The following VTI1A variants were observed in gnomAD, a reference collection of about 807,000 sequenced individuals.
VTI1A encodes vesicle transport through interaction with t-SNAREs homolog 1A.
Under a neutral mutation model 34.9 loss-of-function variants are expected in VTI1A, and 22 were observed. The ratio of observed to expected loss-of-function variants is 0.63; its 90% CI spans 0.45 to 0.90. The LOEUF (loss-of-function observed/expected upper bound fraction) is 0.90, where lower values mean the gene tolerates loss of function less well. Ranked by LOEUF, VTI1A falls within the 40% of genes least tolerant of loss-of-function variation. The pLI is 0.00. For missense variants in VTI1A, 268 were observed against 275.6 expected (o/e 0.97, Z 0.20); for synonymous variants, 87 against 97.3 (o/e 0.89, Z 0.62).
intron 7 of VTI1A, among the ~76,000 whole-genome samples, chr10:112,745,889 G>C (rs1259167643): frequency 6.6e-6 from 1 of 152,200 alleles, no homozygotes; most frequent in Admixed American, 6.5e-5. Flanking sequence ...TTTGTGCAAG[G>C]TTACTCAGGT....
At chr10:112,848,397 C>A in the VTI1A span, among the ~76,000 whole-genome samples, 1 of 152,210 alleles carries the variant, frequency 6.6e-6, no homozygotes, top group Non-Finnish European at 1.5e-5. Flanking sequence ...ATTCCAGACA[C>A]AGAACCCCAC....
intron 7 of VTI1A, among the ~76,000 whole-genome samples, chr10:112,748,115 C>T (rs1850967694): frequency 6.6e-6 from 1 of 151,990 alleles, no homozygotes; most frequent in African/African-American, 2.4e-5. Context: ...CTTGGTGGAG[C>T]CAGCACTAGG....
chr10:112,642,623 G>GTGTGTA (rs1452530219), intron 5 of VTI1A, among the ~76,000 whole-genome samples: 1 of 152,080 alleles, frequency 6.6e-6, no homozygotes, highest in African/African-American at 2.4e-5. Context: ...GTGTGTGTGT[G>GTGTGTA]TGTGTATGTG....
chr10:112,555,875 A>G (rs1851525540), intron 5 of VTI1A, among the ~76,000 whole-genome samples: 1 of 152,006 alleles, frequency 6.6e-6, no homozygotes. Flanking sequence ...TCAGTGCTCC[A>G]TTTTAGTTTC....
intron 7 of VTI1A, among the ~76,000 whole-genome samples, chr10:112,683,547 A>G (rs978428533): frequency 6.6e-6 from 1 of 152,212 alleles, no homozygotes; most frequent in Non-Finnish European, 1.5e-5. Context: ...AAATAAAAAA[A>G]TTGTTTTTAA....
At chr10:112,662,425 C>T (rs1011632817) in intron 5 of VTI1A, among the ~76,000 whole-genome samples, 2 of 151,986 alleles carry the variant, frequency 1.3e-5, no homozygotes, top group Non-Finnish European at 2.9e-5. Flanking sequence ...TATTCTATAG[C>T]GAAGGATATT....
chr10:112,645,068 G>A (rs1846721569), intron 5 of VTI1A, among the ~76,000 whole-genome samples: 1 of 152,162 alleles, frequency 6.6e-6, no homozygotes, highest in African/African-American at 2.4e-5. Context: ...ATGTTAACTG[G>A]TTTTAACATT....
At chr10:112,853,166 CA>C in the VTI1A span, among the ~76,000 whole-genome samples, 1 of 152,176 alleles carries the variant, frequency 6.6e-6, no homozygotes, top group African/African-American at 2.4e-5. Context: ...CTCACTCTTC[CA>C]GGGGGGTAAA....
chr10:112,548,778 C>T lies in VTI1A; in HGVS notation c.427+10448C>T, dbSNP rs909597942. The T allele has an allele frequency of 8.1e-6, 12 of 1,486,084 alleles. No homozygotes were observed. In the African/African-American group the frequency reaches 1.5e-4, roughly 19 times the overall value. 92.1% of individuals were successfully genotyped at this position (1,486,084 alleles called of 1,614,324 possible). On this transcript the variant is annotated intron_variant, in intron 5 of 7. Coordinates refer to ENST00000393077, the MANE Select transcript of VTI1A (RefSeq NM_145206.4). ...GATAGTCTGAGAAGCTCTCGACACA[C>T]ATGGGCTTGCCAGGAACCATACCAA...
At position 112,572,654 on chromosome 10, in the gene VTI1A, C is replaced by A. The variant is rs984653394; in HGVS notation, c.427+34324C>A. On this transcript the variant is annotated intron_variant, in intron 5 of 7. Coordinates refer to ENST00000393077, the MANE Select transcript of VTI1A (RefSeq NM_145206.4). ...GAGATCGAGACCATCTTGGCTAACA[C>A]GGTGAAACCCCGTCTCTACTAAAAA... Among the ~76,000 whole-genome samples the A allele has an allele frequency of 2.4e-4, 36 of 151,262 alleles. 1 individual carries two copies. Among genetic ancestry groups the A allele is most frequent in the African/African-American group, 8.3e-4 (34 of 40,740 alleles).
At chr10:112,595,542 C>G (rs1844599856) in intron 5 of VTI1A, among the ~76,000 whole-genome samples, 1 of 152,144 alleles carries the variant, frequency 6.6e-6, no homozygotes, top group African/African-American at 2.4e-5. Flanking sequence ...ATTTATGCAG[C>G]CAAAAGACAC....
rs199652153 is a variant in VTI1A, at chr10:112,668,955, A to G, written c.517A>G (p.Asn173Asp). 2 of 1,612,362 alleles carry G rather than the reference A, an allele frequency of 1.2e-6. No individual in the cohort carries two copies. Among genetic ancestry groups the G allele is most frequent in the Non-Finnish European group, 1.7e-6 (2 of 1,178,770 alleles). ...ARERLRETDA[N>D]LGKSSRILTG... is the part of the protein sequence containing the mutation. The stretch of plus-strand genomic sequence containing the variant: ...CTTGTAGCTTCGGGAAACAGATGCT[A>G]ATTTGGGAAAAAGCTCCAGGATTCT... The change falls in exon 7 of 8, where the codon AAT (asparagine) becomes GAT (aspartate). Residue 173 changes from asparagine to aspartate, a missense_variant. Transcript: ENST00000393077.
At chr10:112,637,582 C>G (rs927935830) in intron 5 of VTI1A, among the ~76,000 whole-genome samples, 5 of 152,010 alleles carry the variant, frequency 3.3e-5, no homozygotes, top group African/African-American at 1.2e-4. Flanking sequence ...TCACTTGAAC[C>G]CAGGAGGTGG....
chr10:112,854,030 C>T, the VTI1A span, among the ~76,000 whole-genome samples: 2 of 152,100 alleles, frequency 1.3e-5, no homozygotes, highest in Non-Finnish European at 2.9e-5. Flanking sequence ...TCTTCTCCAC[C>T]CTGCTCAGCA....
chr10:112,594,496 C>T (rs990874318), intron 5 of VTI1A, among the ~76,000 whole-genome samples: 63 of 152,118 alleles, frequency 4.1e-4, no homozygotes, highest in Admixed American at 1.1e-3. Flanking sequence ...ACAAAAATCA[C>T]AAGCATTCTT....
chr10:112,751,565 A>G (rs7085872), intron 7 of VTI1A, among the ~76,000 whole-genome samples: 2,738 of 151,432 alleles, frequency 0.018, 86 homozygotes, highest in African/African-American at 0.063. Context: ...GGATGCAGTT[A>G]GGACATAATT....
At chr10:112,747,301 G>A (rs779657178) in intron 7 of VTI1A, among the ~76,000 whole-genome samples, 1 of 152,164 alleles carries the variant, frequency 6.6e-6, no homozygotes, top group South Asian at 2.1e-4. Flanking sequence ...GCTTGATGAC[G>A]GGGATACGTT....
At chr10:112,749,330 C>G (rs1320852674) in intron 7 of VTI1A, among the ~76,000 whole-genome samples, 2 of 152,022 alleles carry the variant, frequency 1.3e-5, no homozygotes, top group Non-Finnish European at 2.9e-5. Flanking sequence ...ACAAGACTTT[C>G]TCAGAAAAAC....
At chr10:112,534,783 AT>A (rs1850563625) in intron 4 of VTI1A, among the ~76,000 whole-genome samples, 1 of 152,176 alleles carries the variant, frequency 6.6e-6, no homozygotes, top group Non-Finnish European at 1.5e-5. Flanking sequence ...GAGGTGAGGG[AT>A]AACATAAATA....
Sources: gnomAD v4.1 joint callset for allele counts (sites outside exome capture counted in the v4.1 genomes callset) on GRCh38, gnomAD v4.1.1 for gene constraint, MANE v1.5 for transcripts, NCBI Gene and HGNC (gene_info 2026-07-23, HGNC 2026-07-21) for gene names.